Variants in SEMA4F observed in about 807,000 individuals in gnomAD.
The protein encoded by SEMA4F is semaphorin-4F.
In SEMA4F, 51 loss-of-function variants were observed where a neutral mutation model predicts 78.4. The ratio of observed to expected loss-of-function variants is 0.65; its 90% CI spans 0.52 to 0.82. SEMA4F has a LOEUF of 0.82. Among genes scored for constraint, SEMA4F ranks in the 40% least tolerant of loss-of-function variants. SEMA4F has a pLI of 0.00. For missense variants in SEMA4F, 938 were observed against 1,014.4 expected, an observed-to-expected ratio of 0.92 and a Z score of 1.02; for synonymous variants, 418 against 408.7, an observed-to-expected ratio of 1.02 and a Z score of -0.27.
In SEMA4F at chr2:74,662,760, G is replaced by A. The variant is rs1317866519; in HGVS notation, c.485G>A (p.Arg162Lys). 2 of 1,614,064 alleles carry A rather than the reference G, an allele frequency of 1.2e-6. No individual in the cohort carries two copies. The highest frequency in any genetic ancestry group is 2.7e-5 in the African/African-American group (2 of 74,938). ...GTGTCCAGGTTCCAGCAGGTTGAAA[G>A]ACTTGAGAGTGGCCGGGGGAAATGT... Reference protein sequence around the residue: ...IDVSRFQQVERLESGRGKCPF... With the variant: ...IDVSRFQQVEKLESGRGKCPF... The change falls in exon 5 of 14, where the codon AGA (arginine) becomes AAA (lysine). Residue 162 changes from arginine to lysine, a missense_variant. Coordinates refer to ENST00000357877, the MANE Select transcript of SEMA4F (RefSeq NM_004263.5).
Position 74,682,769 on chromosome 2 carries a change from G to A in SEMA4F, c.*2560G>A, listed in dbSNP as rs980925746. ...ACTGGGCTTCCTGTGGGGAGTGGGA[G>A]AGAAGAGTTTTTCAAGGAGGAGAGA... On this transcript the variant is annotated 3_prime_UTR_variant, in exon 14 of 14. Transcript: ENST00000357877. 1 of 152,322 alleles carries A rather than the reference G, an allele frequency of 6.6e-6. No individual in the cohort carries two copies. Among genetic ancestry groups the A allele is most frequent in the Non-Finnish European group, 1.5e-5 (1 of 68,164 alleles). 9.4% of individuals were successfully genotyped at this position (152,322 alleles called of 1,614,324 possible).
At chr2:74,678,544 G>A (rs1421592308) in intron 12 of SEMA4F, among the ~76,000 whole-genome samples, 2 of 152,170 alleles carry the variant, frequency 1.3e-5, no homozygotes, top group African/African-American at 4.8e-5. Context: ...TTTGATTGAG[G>A]CTTTTTGTGT....
At position 74,680,778 on chromosome 2, in the gene SEMA4F, A is replaced by C. The variant is rs1372395907; in HGVS notation, c.*569A>C. 1 of 152,284 alleles carries C rather than the reference A, an allele frequency of 6.6e-6. No individual in the cohort carries two copies. The highest frequency in any genetic ancestry group is 1.5e-5 in the Non-Finnish European group (1 of 68,160). 9.4% of individuals were successfully genotyped at this position (152,284 alleles called of 1,614,324 possible). A position where few individuals can be genotyped will look rare whatever the true frequency, so the allele number is the denominator to read the frequency against. ...TAGTGTTCATAAGAGACCTGGCCAC[A>C]TGTGCATGAATGACTGGGCCGATGC... On this transcript the variant is annotated 3_prime_UTR_variant, in exon 14 of 14. Transcript: ENST00000357877.
chr2:74,688,336 T>A (rs118123243), downstream of SEMA4F, among the ~76,000 whole-genome samples: 463 of 152,302 alleles, frequency 3.0e-3, 3 homozygotes, highest in South Asian at 5.4e-3. Flanking sequence ...CAGAACATGA[T>A]CATATTTCAA....
At chr2:74,673,639 T>A in intron 6 of SEMA4F, 38 bp from the exon 7 acceptor site, 1 of 1,612,926 alleles carries the variant, frequency 6.2e-7, no homozygotes, top group Non-Finnish European at 8.5e-7. Flanking sequence ...AAGTCCTAGG[T>A]TGTGTCTGTG....
intron 5 of SEMA4F, among the ~76,000 whole-genome samples, chr2:74,669,770 A>G (rs539531583): frequency 6.6e-6 from 1 of 152,208 alleles, no homozygotes; most frequent in Admixed American, 6.5e-5. Context: ...TAGGCTTTCC[A>G]TTTGGGCAAG....
At chr2:74,685,867 G>GA (rs1056175026), downstream of SEMA4F, among the ~76,000 whole-genome samples, 1 of 151,846 alleles carries the variant, frequency 6.6e-6, no homozygotes, top group African/African-American at 2.4e-5. Flanking sequence ...AAATCTACAA[G>GA]AAAAAAATAA....
chr2:74,680,572 G>A lies in SEMA4F; in HGVS notation c.*363G>A, dbSNP rs1456705006. ...TTTCTGGTTGGAGCCTGGCCGGAAGGAAGAGCCCTGGAGGTGGTTGGGGGC... is the reference window on the plus strand; with the variant it reads ...TTTCTGGTTGGAGCCTGGCCGGAAGAAAGAGCCCTGGAGGTGGTTGGGGGC... On this transcript the variant is annotated 3_prime_UTR_variant, in exon 14 of 14. Coordinates refer to ENST00000357877, the MANE Select transcript of SEMA4F (RefSeq NM_004263.5). 1 of 181,834 alleles carries A rather than the reference G, an allele frequency of 5.5e-6. No homozygotes were observed. The highest frequency in any genetic ancestry group is 1.1e-5 in the Non-Finnish European group (1 of 87,234). The allele number at this position is 181,834 out of a possible 1,614,324, so 11.3% of individuals were successfully genotyped here. A position where few individuals can be genotyped will look rare whatever the true frequency, so the allele number is the denominator to read the frequency against.
chr2:74,667,840 G>A (rs1684773332), intron 5 of SEMA4F, among the ~76,000 whole-genome samples: 1 of 152,132 alleles, frequency 6.6e-6, no homozygotes, highest in South Asian at 2.1e-4. Context: ...GTGTAGTTGT[G>A]ATCTCAGTGA....
intron 5 of SEMA4F, among the ~76,000 whole-genome samples, chr2:74,670,303 A>AT (rs1553428057): frequency 2.0e-5 from 3 of 152,024 alleles, no homozygotes; most frequent in Non-Finnish European, 4.4e-5. Flanking sequence ...GTACGTGTAT[A>AT]TCTGTCTGTC....
chr2:74,674,501 G>T lies in SEMA4F; in HGVS notation c.826G>T (p.Asp276Tyr), dbSNP rs1685155982. 6.2e-7 allele frequency: 1 copy of T among 1,612,132 alleles called. No individual in the cohort carries two copies. The highest frequency in any genetic ancestry group is 8.5e-7 in the Non-Finnish European group (1 of 1,178,958). The change falls in exon 8 of 14, where the codon GAC (aspartate) becomes TAC (tyrosine). Residue 276 changes from aspartate (D) to tyrosine (Y), a missense_variant. Asp to Tyr is a radical substitution (Grantham distance 160). Coordinates refer to ENST00000357877, the MANE Select transcript of SEMA4F (RefSeq NM_004263.5). Reference protein sequence around the residue: ...VPRVARVCAGDLGGRKTLQQR... With the variant: ...VPRVARVCAGYLGGRKTLQQR... ...TCCCATGTGTTTGTCACCCCAGGGG[G>T]ACCTCGGGGGCCGGAAGACCCTCCA... is the stretch of plus-strand genomic sequence containing the variant.
At chr2:74,676,361 T>G (rs535881948) in intron 12 of SEMA4F, among the ~76,000 whole-genome samples, 4 of 152,340 alleles carry the variant, frequency 2.6e-5, no homozygotes, top group South Asian at 2.1e-4. Flanking sequence ...TCATGCACTC[T>G]CTAGGCAGTT....
In SEMA4F at chr2:74,679,334, G is replaced by A; in HGVS notation, c.1702G>A (p.Glu568Lys). Residue 568 changes from glutamate to lysine, a missense_variant and splice_region_variant, in exon 13 of 14, where the codon GAA becomes AAA. By Grantham distance (56) the Glu-to-Lys change is moderately conservative (BLOSUM62 1). Coordinates refer to ENST00000357877, the MANE Select transcript of SEMA4F (RefSeq NM_004263.5). ...CTCTTTGTGTCCTAAAGAGCCTGGA[G>A]GTCTGTATGGTCTGTATGGATTAGG... ...VSSLCPKEPG[E>K]RPVVFEVPVA... 1.2e-6 allele frequency: 2 copies of A among 1,606,662 alleles called. No individual in the cohort carries two copies.
Position 74,673,461 on chromosome 2 carries a change from G to C in SEMA4F, c.555G>C (p.Gly185=), listed in dbSNP as rs34617503. ...CTCCTCCCTGTCGCCCTGCAGGGGG[G>C]GTCCTCTATGCTGCCACTGTGAAAA... The part of the protein sequence containing the change: ...AQRSAAVMAG[G]VLYAATVKNY... The change falls in exon 6 of 14, where the codon GGG becomes GGC. Residue 185 remains glycine (G), a synonymous_variant. Coordinates refer to ENST00000357877, the MANE Select transcript of SEMA4F (RefSeq NM_004263.5). 2.4e-3 allele frequency: 3,863 copies of C among 1,613,984 alleles called. 16 individuals carry two copies. The highest frequency in any genetic ancestry group is 2.5e-3 in the Non-Finnish European group (2,991 of 1,179,978).
the SEMA4F span, among the ~76,000 whole-genome samples, chr2:74,688,925 A>G: frequency 1.3e-5 from 2 of 152,332 alleles, no homozygotes; most frequent in South Asian, 2.1e-4. Flanking sequence ...ATTTAGGTCT[A>G]TTTAGGTCAG....
intron 5 of SEMA4F, among the ~76,000 whole-genome samples, chr2:74,672,457 C>T (rs1030663322): frequency 6.6e-6 from 1 of 152,192 alleles, no homozygotes. Context: ...CAGGGATTTA[C>T]TTAGCACCCG....
At chr2:74,667,706 A>G (rs535152682) in intron 5 of SEMA4F, among the ~76,000 whole-genome samples, 2 of 152,336 alleles carry the variant, frequency 1.3e-5, no homozygotes, top group South Asian at 4.1e-4. Context: ...TTTGACATTC[A>G]CATTAGCCTA....
At chr2:74,659,534 T>C (rs1684328316) in intron 4 of SEMA4F, among the ~76,000 whole-genome samples, 1 of 152,150 alleles carries the variant, frequency 6.6e-6, no homozygotes, top group Non-Finnish European at 1.5e-5. Flanking sequence ...AGAATTCAGC[T>C]CTTTTCCTGA....
chr2:74,675,426 A>G (rs373149698), intron 10 of SEMA4F, 42 bp downstream of exon 10: 9 of 1,599,792 alleles, frequency 5.6e-6, no homozygotes, highest in Middle Eastern at 1.7e-4. Flanking sequence ...TAGTGCATAC[A>G]CATTCTCGTC....
Sources: gnomAD v4.1 joint callset for allele counts (sites outside exome capture counted in the v4.1 genomes callset) on GRCh38, gnomAD v4.1.1 for gene constraint, MANE v1.5 for transcripts, NCBI Gene and HGNC (gene_info 2026-07-23, HGNC 2026-07-21) for gene names.